Variants in COA1 observed in about 807,000 individuals in gnomAD.
COA1 encodes the protein cytochrome c oxidase assembly factor 1.
In COA1, 13 loss-of-function variants were observed where a neutral mutation model predicts 16.0. The ratio of observed to expected loss-of-function variants is 0.81; its 90% CI spans 0.53 to 1.29. The LOEUF is 1.29. Ranked by LOEUF, COA1 falls within the 50% of genes most tolerant of loss-of-function variation. The probability of loss-of-function intolerance (pLI) is 0.00; values close to 1 mark genes in which losing one functional copy is unlikely to be tolerated. For synonymous variants in COA1, 65 were observed against 65.7 expected, an observed-to-expected ratio of 0.99 and a Z score of 0.05; for missense variants, 179 against 177.0, an observed-to-expected ratio of 1.01 and a Z score of -0.06.
At chr7:43,648,254 A>T in intron 2 of COA1, 1 of 397,206 alleles carries the variant, frequency 2.5e-6, no homozygotes, top group Non-Finnish European at 4.6e-6. Flanking sequence ...ATCTGGGAAA[A>T]GTCATTTAGT....
intron 3 of COA1, 141 bp downstream of exon 3, chr7:43,647,394 A>G (rs1434737840): frequency 1.5e-6 from 1 of 685,070 alleles, no homozygotes; most frequent in Non-Finnish European, 2.6e-6. Context: ...GCTATAGCCA[A>G]CGAAATGGTG....
At chr7:43,692,142 G>A (rs1353767359) in intron 1 of COA1, among the ~76,000 whole-genome samples, 1 of 152,198 alleles carries the variant, frequency 6.6e-6, no homozygotes, top group African/African-American at 2.4e-5. Flanking sequence ...GATCCTCTGT[G>A]ATGGGCCTGC....
chr7:43,659,170 A>C (rs770579228), intron 1 of COA1: 18 of 152,246 alleles, frequency 1.2e-4, no homozygotes, highest in Non-Finnish European at 2.2e-4. Context: ...TCCACTTGAG[A>C]TATGAAGCAG....
At chr7:43,677,849 T>C (rs1057094876) in intron 1 of COA1, among the ~76,000 whole-genome samples, 3 of 150,600 alleles carry the variant, frequency 2.0e-5, no homozygotes, top group African/African-American at 7.4e-5. Flanking sequence ...CTCTAACAAG[T>C]CTTTTAATAC....
chr7:43,669,204 C>T (rs2093091375), intron 1 of COA1, among the ~76,000 whole-genome samples: 1 of 152,154 alleles, frequency 6.6e-6, no homozygotes, highest in Non-Finnish European at 1.5e-5. Flanking sequence ...GACATCTCCA[C>T]ATGGGGGGAT....
At position 43,728,707 on chromosome 7, in the gene COA1, G is replaced by A. The variant is rs139455259; in HGVS notation, c.-39+722C>T. On this transcript the variant is annotated intron_variant, in intron 1 of 5. Coordinates refer to ENST00000223336, the MANE Select transcript of COA1 (RefSeq NM_018224.4). ...ACACAATCTGATATGCGTTTTAAACGTGCAGGTGTAAGCGGAGAGTTGCTA... is the reference window on the plus strand; with the variant it reads ...ACACAATCTGATATGCGTTTTAAACATGCAGGTGTAAGCGGAGAGTTGCTA... Among the ~76,000 whole-genome samples, 200 of 152,310 alleles carry A rather than the reference G, an allele frequency of 1.3e-3. 1 individual carries two copies. The highest frequency in any genetic ancestry group is 4.6e-3 in the African/African-American group (191 of 41,562).
intron 1 of COA1, among the ~76,000 whole-genome samples, chr7:43,668,664 T>C (rs929007995): frequency 2.0e-5 from 3 of 152,184 alleles, no homozygotes; most frequent in Admixed American, 1.3e-4. Flanking sequence ...CAAAATGGGA[T>C]GGATAACATA....
chr7:43,638,058 T>C (rs138479992), downstream of COA1, among the ~76,000 whole-genome samples: 38 of 152,278 alleles, frequency 2.5e-4, no homozygotes, highest in East Asian at 5.8e-3. Flanking sequence ...ACTGTAGAGA[T>C]TGGAATATTT....
intron 1 of COA1, among the ~76,000 whole-genome samples, chr7:43,702,719 C>T (rs780469003): frequency 9.2e-5 from 14 of 151,978 alleles, no homozygotes; most frequent in Non-Finnish European, 1.5e-4. Context: ...TCACCTTTGT[C>T]GTATCTGATT....
At chr7:43,682,610 A>G (rs1360575807) in intron 1 of COA1, among the ~76,000 whole-genome samples, 3 of 152,228 alleles carry the variant, frequency 2.0e-5, no homozygotes, top group African/African-American at 7.2e-5. Context: ...AATGATATAA[A>G]CACTGATTTC....
chr7:43,729,264 A>G (rs2095690480), intron 1 of COA1, among the ~76,000 whole-genome samples, 165 bp downstream of exon 1: 1 of 152,224 alleles, frequency 6.6e-6, no homozygotes, highest in Non-Finnish European at 1.5e-5. Flanking sequence ...GAAGCTGCGC[A>G]GGGAGGCCGC....
At chr7:43,637,792 T>C (rs150455841), downstream of COA1, among the ~76,000 whole-genome samples, 743 of 152,376 alleles carry the variant, frequency 4.9e-3, 2 homozygotes, top group Non-Finnish European at 8.5e-3. Context: ...TCAGGTAGAT[T>C]AGAAAAGCCT....
intron 4 of COA1, chr7:43,640,928 C>T: frequency 3.0e-6 from 1 of 328,288 alleles, no homozygotes; most frequent in Non-Finnish European, 5.5e-6. Context: ...CTCAAAAGTC[C>T]ACTGTTAAAA....
intron 1 of COA1, among the ~76,000 whole-genome samples, chr7:43,722,163 T>C (rs2095520016): frequency 1.4e-5 from 2 of 144,450 alleles, no homozygotes; most frequent in South Asian, 5.1e-4. Context: ...CCACTGCAAC[T>C]CACTACAGCC....
chr7:43,610,113 G>A (rs1275086125), intron 6 of COA1, among the ~76,000 whole-genome samples: 2 of 152,068 alleles, frequency 1.3e-5, no homozygotes, highest in Admixed American at 6.5e-5. Context: ...TTGGGAGGCC[G>A]AGGTGGGCGG....
intron 1 of COA1, among the ~76,000 whole-genome samples, chr7:43,713,690 C>T (rs849186): frequency 0.013 from 2,020 of 152,242 alleles, 52 homozygotes; most frequent in African/African-American, 0.046. Flanking sequence ...ACCTTTGATG[C>T]TGGATGCTTT....
chr7:43,689,023 GTTAT>G (rs1403905202), intron 1 of COA1, among the ~76,000 whole-genome samples: 6 of 152,210 alleles, frequency 3.9e-5, no homozygotes, highest in Non-Finnish European at 7.3e-5. Context: ...CACAGTCTGT[GTTAT>G]TTCTCTCTAA....
At chr7:43,619,378 A>G (rs1398782912) in intron 6 of COA1, among the ~76,000 whole-genome samples, 2 of 152,194 alleles carry the variant, frequency 1.3e-5, no homozygotes, top group African/African-American at 4.8e-5. Flanking sequence ...TATGCTGAGG[A>G]AGAGCCAGAG....
downstream of COA1, among the ~76,000 whole-genome samples, chr7:43,634,753 T>C (rs1418281887): frequency 6.6e-6 from 1 of 152,196 alleles, no homozygotes; most frequent in Non-Finnish European, 1.5e-5. Flanking sequence ...CAGTTACTTC[T>C]TAGAGTTCTC....
Sources: allele counts gnomAD v4.1 joint callset (sites outside exome capture counted in the v4.1 genomes callset), GRCh38; gene constraint gnomAD v4.1.1; transcripts MANE v1.5; gene names NCBI Gene and HGNC (gene_info 2026-07-23, HGNC 2026-07-21).